The following SLC20A2 variants were observed in gnomAD, a reference collection of about 807,000 sequenced individuals.
SLC20A2 encodes sodium-dependent phosphate transporter 2.
In SLC20A2, 30 loss-of-function variants were observed where a neutral mutation model predicts 61.0. The ratio of observed to expected loss-of-function variants is 0.49; its 90% CI spans 0.37 to 0.67. The LOEUF (loss-of-function observed/expected upper bound fraction) is 0.67, where lower values mean the gene tolerates loss of function less well. Ranked by LOEUF, SLC20A2 falls within the 30% of genes least tolerant of loss-of-function variation. The pLI is 0.00. For missense variants in SLC20A2, 626 were observed against 866.4 expected, an observed-to-expected ratio of 0.72 and a Z score of 3.48; for synonymous variants, 351 against 353.3, an observed-to-expected ratio of 0.99 and a Z score of 0.07.
intron 10 of SLC20A2, among the ~76,000 whole-genome samples, chr8:42,425,111 A>G (rs16891307): frequency 0.024 from 3,685 of 152,310 alleles, 101 homozygotes; most frequent in South Asian, 0.12. Flanking sequence ...GCATAAATCA[A>G]TAACATCTAC....
At chr8:42,455,257 T>TATATAGAGAGAG (rs1357416749) in intron 5 of SLC20A2, among the ~76,000 whole-genome samples, 1 of 81,620 alleles carries the variant, frequency 1.2e-5, no homozygotes, top group African/African-American at 4.4e-5. Context: ...TATATATATA[T>TATATAGAGAGAG]AGAGAGAGAG....
intron 5 of SLC20A2, among the ~76,000 whole-genome samples, chr8:42,454,988 G>A (rs1304716306): frequency 1.3e-5 from 2 of 151,788 alleles, no homozygotes; most frequent in Non-Finnish European, 2.9e-5. Flanking sequence ...CACTTTGGGA[G>A]GCCGAGGTGG....
chr8:42,509,067 G>A (rs1057174985), intron 1 of SLC20A2, among the ~76,000 whole-genome samples: 8 of 152,136 alleles, frequency 5.3e-5, no homozygotes, highest in African/African-American at 1.9e-4. Flanking sequence ...AAGACTAAAT[G>A]AGTTTTTCAT....
At chr8:42,528,966 C>CTATCATTAT (rs1290608440) in intron 1 of SLC20A2, among the ~76,000 whole-genome samples, 6,939 of 148,480 alleles carry the variant, frequency 0.047, 504 homozygotes, top group African/African-American at 0.16. Flanking sequence ...CGAGCCCGGC[C>CTATCATTAT]TATTATTATT....
chr8:42,431,705 C>CTAATGCAGCTGGT (rs1041477356), intron 8 of SLC20A2, among the ~76,000 whole-genome samples: 1 of 152,218 alleles, frequency 6.6e-6, no homozygotes, highest in African/African-American at 2.4e-5. Context: ...TTCTCAGAGG[C>CTAATGCAGCTGGT]TAATGCAGCT....
At chr8:42,455,257 T>TATATATATAG (rs1357416749) in intron 5 of SLC20A2, among the ~76,000 whole-genome samples, 6 of 81,624 alleles carry the variant, frequency 7.4e-5, no homozygotes, top group African/African-American at 2.2e-4. Context: ...TATATATATA[T>TATATATATAG]AGAGAGAGAG....
At chr8:42,517,064 CATT>C (rs1201932510) in intron 1 of SLC20A2, among the ~76,000 whole-genome samples, 1 of 152,164 alleles carries the variant, frequency 6.6e-6, no homozygotes, top group Non-Finnish European at 1.5e-5. Context: ...GATTTTAGAA[CATT>C]ATTACAACCT....
chr8:42,462,021 C>T (rs986484107), intron 4 of SLC20A2, among the ~76,000 whole-genome samples: 6 of 152,086 alleles, frequency 3.9e-5, no homozygotes, highest in Admixed American at 2.6e-4. Context: ...TGCTAAGTGC[C>T]GTGATGGCAA....
At chr8:42,481,766 G>A (rs1168057199) in intron 1 of SLC20A2, among the ~76,000 whole-genome samples, 13 of 152,160 alleles carry the variant, frequency 8.5e-5, no homozygotes, top group Non-Finnish European at 1.5e-5. Flanking sequence ...GGACTTATGG[G>A]ACATGAACAG....
chr8:42,506,655 G>C (rs1266960732), intron 1 of SLC20A2, among the ~76,000 whole-genome samples: 2 of 152,232 alleles, frequency 1.3e-5, no homozygotes, highest in Non-Finnish European at 2.9e-5. Context: ...AAACTCCTTT[G>C]GAAAACTCTG....
intron 1 of SLC20A2, among the ~76,000 whole-genome samples, chr8:42,474,684 T>C (rs1807915580): frequency 6.6e-6 from 1 of 152,142 alleles, no homozygotes; most frequent in Non-Finnish European, 1.5e-5. Flanking sequence ...TATTCAATTA[T>C]TGATTGAGAA....
rs1802746834 is a variant in SLC20A2 at position 42,417,581 on chromosome 8, T to C, written c.*222A>G. On this transcript the variant is annotated 3_prime_UTR_variant, in exon 11 of 11. Coordinates refer to ENST00000520262, the MANE Select transcript of SLC20A2 (RefSeq NM_001257180.2). ...ACATTATATCACCACGATACCAGTT[T>C]AATACATATTATTATGTACAGTAGT... 1 of 418,608 alleles carries C rather than the reference T, an allele frequency of 2.4e-6. No homozygotes were observed. Among genetic ancestry groups the C allele is most frequent in the African/African-American group, 2.0e-5 (1 of 50,880 alleles). The allele number at this position is 418,608 out of a possible 1,614,324, so 25.9% of individuals were successfully genotyped here.
chr8:42,476,702 C>T (rs1017141363), intron 1 of SLC20A2, among the ~76,000 whole-genome samples: 5 of 152,174 alleles, frequency 3.3e-5, no homozygotes, highest in Admixed American at 6.5e-5. Flanking sequence ...CTCTTTAGCG[C>T]GGCTTTTCTT....
Position 42,472,831 on chromosome 8 carries a change from CA to C in SLC20A2, c.-264-178del, listed in dbSNP as rs1807753992. On this transcript the variant is annotated intron_variant, in intron 1 of 10. Coordinates refer to ENST00000520262, the MANE Select transcript of SLC20A2 (RefSeq NM_001257180.2). The surrounding 1 kb of genome is among the most constrained non-coding windows in gnomAD (Gnocchi z 4.1). ...TAGGATAACCACCCCCAACCAAAAA[CA>C]CAAAAAAACCTGCTTTCTAGAATTG... 6.6e-6 allele frequency among the ~76,000 whole-genome samples: 1 copy of C among 152,090 alleles called. No homozygotes were observed.
intron 1 of SLC20A2, among the ~76,000 whole-genome samples, chr8:42,531,032 T>TTAA: frequency 6.6e-6 from 1 of 152,308 alleles, no homozygotes. Flanking sequence ...ACTCTCCCTA[T>TTAA]TAATCAGTTC....
At chr8:42,500,963 C>T (rs893700798) in intron 1 of SLC20A2, 68 bp downstream of exon 1, 1 of 152,088 alleles carries the variant, frequency 6.6e-6, no homozygotes, top group African/African-American at 2.4e-5. Flanking sequence ...ATTACTATGA[C>T]GGTAACATTA....
At chr8:42,530,303 T>A (rs1586281282) in intron 1 of SLC20A2, among the ~76,000 whole-genome samples, 1 of 152,106 alleles carries the variant, frequency 6.6e-6, no homozygotes, top group Non-Finnish European at 1.5e-5. Context: ...ACAGCAACTT[T>A]TAAAAAAGCA....
At chr8:42,508,352 T>TTTG (rs1554573018) in intron 1 of SLC20A2, among the ~76,000 whole-genome samples, 3,314 of 151,992 alleles carry the variant, frequency 0.022, 113 homozygotes, top group South Asian at 0.089. Flanking sequence ...TGGTATTTGT[T>TTTG]TTTGTTTGTT....
At chr8:42,525,648 T>C (rs899276101) in intron 1 of SLC20A2, among the ~76,000 whole-genome samples, 1 of 150,054 alleles carries the variant, frequency 6.7e-6, no homozygotes, top group African/African-American at 2.5e-5. Context: ...TGATCGACAA[T>C]TTTCATAAAT....
Sources: allele counts gnomAD v4.1 joint callset (sites outside exome capture counted in the v4.1 genomes callset), GRCh38; gene constraint gnomAD v4.1.1; non-coding constraint Gnocchi (gnomAD v3.1); transcripts MANE v1.5; gene names NCBI Gene and HGNC (gene_info 2026-07-23, HGNC 2026-07-21).